The following TUBA3D variants were observed in gnomAD, a reference collection of about 807,000 sequenced individuals.
The protein encoded by TUBA3D is tubulin alpha 3d, also known as tubulin alpha-3D chain.
TUBA3D carries 24 observed loss-of-function variants against 36.1 expected under a neutral mutation model. That is an observed-to-expected ratio of 0.66 (90% CI 0.48 to 0.93). TUBA3D has a LOEUF of 0.93. Ranked by LOEUF, TUBA3D falls within the 40% of genes least tolerant of loss-of-function variation. TUBA3D has a pLI of 0.00. For missense variants in TUBA3D, 356 were observed against 614.5 expected, an observed-to-expected ratio of 0.58 and a Z score of 4.45; for synonymous variants, 185 against 247.2, an observed-to-expected ratio of 0.75 and a Z score of 2.36.
chr2:131,479,240 C>A, intron 2 of TUBA3D, 68 bp from the exon 3 acceptor site: 17 of 1,575,982 alleles, frequency 1.1e-5, no homozygotes, highest in Non-Finnish European at 1.5e-5. Context: ...AGTGAACACT[C>A]CTGGAATGTG....
chr2:131,479,961 T>G (rs1211027735), intron 3 of TUBA3D, 108 bp from the exon 4 acceptor site: 1 of 1,400,118 alleles, frequency 7.1e-7, no homozygotes, highest in Admixed American at 2.6e-5. Flanking sequence ...TATGGATGAT[T>G]TGAATCCATA....
rs147577745 is a variant in TUBA3D at position 131,480,995 on chromosome 2, C to T, written c.1056+246C>T. ...CTCAGCTAACTGCAACCTCTGCCTC[C>T]CGGGTTCAAACAATTCTCTGGCCTC... is the stretch of plus-strand genomic sequence containing the variant. On this transcript the variant is annotated intron_variant, in intron 4 of 4. Transcript: ENST00000321253. Among the ~76,000 whole-genome samples, 877 of 152,170 alleles carry T rather than the reference C, an allele frequency of 5.8e-3. 7 individuals carry two copies. Among genetic ancestry groups the T allele is most frequent in the African/African-American group, 0.02 (835 of 41,492 alleles).
In TUBA3D at chr2:131,482,777, C is replaced by A; in HGVS notation, c.1282C>A (p.Leu428Ile). 1 of 1,614,146 alleles carries A rather than the reference C, an allele frequency of 6.2e-7. No homozygotes were observed. The highest frequency in any genetic ancestry group is 8.5e-7 in the Non-Finnish European group (1 of 1,180,028). ...TGAGGCCCGCGAGGACCTGGCAGCT[C>A]TAGAGAAGGATTATGAAGAGGTGGG... ...FSEAREDLAA[L>I]EKDYEEVGVD... The change falls in exon 5 of 5, where the codon CTA (leucine) becomes ATA (isoleucine). Residue 428 changes from leucine to isoleucine, a missense_variant. Physicochemically the swap from Leu to Ile is conservative, Grantham distance 5. This residue lies in a region of TUBA3D where 156 missense variants were observed against 219.8 expected (regional missense o/e 0.71). Transcript: ENST00000321253.
rs762326604 is a variant in TUBA3D at position 131,482,890 on chromosome 2, G to A, written c.*42G>A. The A allele has an allele frequency of 3.8e-6, 6 of 1,587,838 alleles. No homozygotes were observed. The highest frequency in any genetic ancestry group is 5.1e-6 in the Non-Finnish European group (6 of 1,166,388). ...GTTCTCCCCTGCCACCCCCGGGATG[G>A]CTGCTTCCAAGTTGTTTGCAATTAA... is the stretch of plus-strand genomic sequence containing the variant. On this transcript the variant is annotated 3_prime_UTR_variant, in exon 5 of 5. Coordinates refer to ENST00000321253, the MANE Select transcript of TUBA3D (RefSeq NM_080386.4).
In TUBA3D at chr2:131,482,584, C is replaced by T. The variant is rs772685795; in HGVS notation, c.1089C>T (p.Val363=). The change falls in exon 5 of 5, where the codon GTC becomes GTT. Residue 363 remains valine, a synonymous_variant. Transcript: ENST00000321253. ...TTAACTACCAGCCCCCCACAGTGGTCCCCGGGGGAGACCTGGCCAAGGTGC... is the reference window on the plus strand; with the variant it reads ...TTAACTACCAGCCCCCCACAGTGGTTCCCGGGGGAGACCTGGCCAAGGTGC... ...VGINYQPPTV[V]PGGDLAKVQR... The T allele has an allele frequency of 2.9e-5, 47 of 1,612,690 alleles. No individual in the cohort carries two copies. The Middle Eastern group carries it at 4.9e-4, about 17-fold the overall frequency.
chr2:131,479,461 G>A lies in TUBA3D; in HGVS notation c.375+5G>A, dbSNP rs1678777736. On this transcript the variant is annotated splice_donor_5th_base_variant and intron_variant, in intron 3 of 4. Transcript: ENST00000321253. ...CTGGACCGGATCCGCAAACTGGTAA[G>A]AAGAGAAGGTTTCATGTGGCCATTT... 6.2e-7 allele frequency: 1 copy of A among 1,613,354 alleles called. No homozygotes were observed. Among genetic ancestry groups the A allele is most frequent in the Admixed American group, 1.7e-5 (1 of 59,970 alleles).
rs753752290 is a variant in TUBA3D at position 131,480,214 on chromosome 2, C to T, written c.521C>T (p.Ala174Val). The change falls in exon 4 of 5, where the codon GCC becomes GTC. Residue 174 changes from alanine (A) to valine (V), a missense_variant. Coordinates refer to ENST00000321253, the MANE Select transcript of TUBA3D (RefSeq NM_080386.4). ...AAGCTAGAGTTTGCCATTTACCCAG[C>T]CCCCCAGGTCTCCACAGCCGTGGTG... ...KSKLEFAIYP[A>V]PQVSTAVVEP... is the part of the protein sequence containing the mutation. The T allele has an allele frequency of 6.2e-7, 1 of 1,613,872 alleles. No homozygotes were observed. Among genetic ancestry groups the T allele is most frequent in the Non-Finnish European group, 8.5e-7 (1 of 1,180,008 alleles).
chr2:131,476,934 G>A (rs1490226330), intron 1 of TUBA3D, among the ~76,000 whole-genome samples: 2,287 of 121,884 alleles, frequency 0.019, 130 homozygotes, highest in African/African-American at 0.086. Flanking sequence ...CTGCCTCAAA[G>A]ACACAAACAA....
Position 131,480,890 on chromosome 2 carries a change from G to T in TUBA3D, c.1056+141G>T, listed in dbSNP as rs1678841014. The stretch of plus-strand genomic sequence containing the variant: ...GGGCATAAATTAGTGAACCAGAGTT[G>T]ATAATTGATTCAGTGATTTCTTTTT... On this transcript the variant is annotated intron_variant, in intron 4 of 4. Coordinates refer to ENST00000321253, the MANE Select transcript of TUBA3D (RefSeq NM_080386.4). 3 of 1,196,366 alleles carry T rather than the reference G, an allele frequency of 2.5e-6. No individual in the cohort carries two copies. The Admixed American group carries it at 8.2e-5, about 33-fold the overall frequency. The allele number at this position is 1,196,366 out of a possible 1,614,324, so 74.1% of individuals were successfully genotyped here. A position where few individuals can be genotyped will look rare whatever the true frequency, so the allele number is the denominator to read the frequency against.
Position 131,476,346 on chromosome 2 carries a change from G to A in TUBA3D, c.3+144G>A, listed in dbSNP as rs185216881. The A allele has an allele frequency of 2.1e-5, 30 of 1,436,742 alleles. No homozygotes were observed. In the East Asian group the frequency reaches 7.4e-4, roughly 35 times the overall value. 89.0% of individuals were successfully genotyped at this position (1,436,742 alleles called of 1,614,324 possible). Reference sequence around the variant, plus strand: ...GTCTAGTGCGGGACAGGAGGACACGGGATCGTTTCCTGGATCTTTGGGTCC... The same window carrying A: ...GTCTAGTGCGGGACAGGAGGACACGAGATCGTTTCCTGGATCTTTGGGTCC... On this transcript the variant is annotated intron_variant, in intron 1 of 4. Transcript: ENST00000321253.
chr2:131,478,899 C>T (rs189274812), intron 2 of TUBA3D: 4,681 of 209,900 alleles, frequency 0.022, 72 homozygotes, highest in Middle Eastern at 0.045. Flanking sequence ...GCCTGTGGGA[C>T]CCAGGTCATC....
rs555728426 is a variant in TUBA3D at position 131,480,107 on chromosome 2, C to T, written c.414C>T (p.Phe138=). ...LCTGLQGFLI[F]HSFGGGTGSG... ...CAGGACTGCAGGGCTTCCTCATCTT[C>T]CACAGCTTTGGGGGCGGCACTGGCT... is the stretch of plus-strand genomic sequence containing the variant. Residue 138 remains phenylalanine, a synonymous_variant, in exon 4 of 5, where the codon TTC becomes TTT. Coordinates refer to ENST00000321253, the MANE Select transcript of TUBA3D (RefSeq NM_080386.4). 183 of 1,609,910 alleles carry T rather than the reference C, an allele frequency of 1.1e-4. No homozygotes were observed. The South Asian group carries it at 1.8e-3, about 16-fold the overall frequency.
At chr2:131,482,203 A>T (rs1362829127) in intron 4 of TUBA3D, among the ~76,000 whole-genome samples, 1 of 152,208 alleles carries the variant, frequency 6.6e-6, no homozygotes, top group Admixed American at 6.5e-5. Flanking sequence ...TGGGTGGAAG[A>T]AGTTTAGCTA....
intron 1 of TUBA3D, 130 bp from the exon 2 acceptor site, chr2:131,478,034 A>AG (rs1302596269): frequency 1.6e-6 from 2 of 1,283,918 alleles, no homozygotes; most frequent in African/African-American, 3.0e-5. Flanking sequence ...TAACCCTCCT[A>AG]GGAAATATCG....
In TUBA3D at chr2:131,480,134, T is replaced by C. The variant is rs756078214; in HGVS notation, c.441T>C (p.Ser147=). The C allele has an allele frequency of 2.5e-6, 4 of 1,613,740 alleles. No individual in the cohort carries two copies. The South Asian group carries it at 4.4e-5, about 18-fold the overall frequency. ...IFHSFGGGTG[S]GFASLLMERL... ...ACAGCTTTGGGGGCGGCACTGGCTC[T>C]GGGTTCGCATCTCTGCTCATGGAGC... The change falls in exon 4 of 5, where the codon TCT becomes TCC. Residue 147 remains serine (S), a synonymous_variant. Coordinates refer to ENST00000321253, the MANE Select transcript of TUBA3D (RefSeq NM_080386.4).
chr2:131,478,102 A>T (rs1387942346), intron 1 of TUBA3D, 62 bp from the exon 2 acceptor site: 7 of 1,565,400 alleles, frequency 4.5e-6, no homozygotes, highest in Non-Finnish European at 6.1e-6. Context: ...AATATTTTGC[A>T]TGCCATATAG....
chr2:131,476,984 A>C (rs1415003801), intron 1 of TUBA3D, among the ~76,000 whole-genome samples: 3 of 144,488 alleles, frequency 2.1e-5, no homozygotes, highest in Non-Finnish European at 4.5e-5. Context: ...CCAAGTCCCA[A>C]GTCTGAATAG....
chr2:131,476,315 C>T (rs1275041604), intron 1 of TUBA3D, 113 bp downstream of exon 1: 7 of 1,576,230 alleles, frequency 4.4e-6, no homozygotes, highest in East Asian at 2.3e-5. Context: ...CAGAGAAGGA[C>T]GCAGGGTCTA....
At chr2:131,478,420 G>T in intron 2 of TUBA3D, 34 bp downstream of exon 2, 1 of 1,557,020 alleles carries the variant, frequency 6.4e-7, no homozygotes. Flanking sequence ...CAGCTTTCCT[G>T]AGAGGGTGGG....
Sources: allele counts gnomAD v4.1 joint callset (sites outside exome capture counted in the v4.1 genomes callset), GRCh38; gene constraint gnomAD v4.1.1; regional missense constraint gnomAD v4.1.1; transcripts MANE v1.5; gene names NCBI Gene and HGNC (gene_info 2026-07-23, HGNC 2026-07-21).